Variants in NOD1 observed in about 807,000 individuals in gnomAD.
The protein encoded by NOD1 is nucleotide binding oligomerization domain containing 1.
In NOD1, 70 loss-of-function variants were observed where a neutral mutation model predicts 81.2. The observed-to-expected ratio is 0.86, with a 90% CI of 0.71 to 1.05. The LOEUF is 1.05. Among genes scored for constraint, NOD1 ranks in the 50% least tolerant of loss-of-function variants. NOD1 has a pLI of 0.00. For missense variants in NOD1, 1,233 were observed against 1,228.0 expected (o/e 1.00, Z -0.06); for synonymous variants, 508 against 526.9 (o/e 0.96, Z 0.49).
At chr7:30,472,600 G>C (rs1788386990) in intron 1 of NOD1, among the ~76,000 whole-genome samples, 1 of 152,228 alleles carries the variant, frequency 6.6e-6, no homozygotes, top group Non-Finnish European at 1.5e-5. Context: ...GAGAACCCCC[G>C]ATTTGATGGT....
chr7:30,458,360 C>G (rs545088427), intron 3 of NOD1, among the ~76,000 whole-genome samples: 5 of 151,800 alleles, frequency 3.3e-5, no homozygotes, highest in Non-Finnish European at 5.9e-5. Context: ...TCATGCATTT[C>G]AGAGAGAGAG....
In NOD1 at chr7:30,452,603, G is replaced by A. The variant is rs770591053; in HGVS notation, c.814C>T (p.Leu272=). 6.2e-7 allele frequency: 1 copy of A among 1,613,718 alleles called. No individual in the cohort carries two copies. The highest frequency in any genetic ancestry group is 8.5e-7 in the Non-Finnish European group (1 of 1,180,032). Residue 272 remains leucine, a synonymous_variant, in exon 6 of 14, where the codon CTG becomes TTG. Coordinates refer to ENST00000222823, the MANE Select transcript of NOD1 (RefSeq NM_006092.4). ...ERDPEEVFAF[L]LRFPHVALFT... The stretch of plus-strand genomic sequence containing the variant: ...AGGGCCACGTGGGGGAAGCGCAGCA[G>A]GAAGGCAAACACCTCCTCGGGGTCC...
At chr7:30,447,260 CACGTT>C in intron 7 of NOD1, 2 of 652,352 alleles carry the variant, frequency 3.1e-6, no homozygotes, top group Non-Finnish European at 5.4e-6. Context: ...TGAGACAAGT[CACGTT>C]ACCTCTCTGT....
intron 1 of NOD1, chr7:30,463,555 ACT>A (rs1787376244): frequency 6.6e-6 from 1 of 152,560 alleles, no homozygotes; most frequent in Admixed American, 6.5e-5. Flanking sequence ...AGCAACCAGG[ACT>A]CTGTCCCTGA....
In NOD1 at chr7:30,451,134, C is replaced by CTG. The variant is rs1372379555; in HGVS notation, c.2201+80_2201+81dup. 1.7e-5 allele frequency: 25 copies of CTG among 1,473,958 alleles called. No homozygotes were observed. Among genetic ancestry groups the CTG allele is most frequent in the Non-Finnish European group, 2.3e-5 (25 of 1,092,674 alleles). The allele number at this position is 1,473,958 out of a possible 1,614,324, so 91.3% of individuals were successfully genotyped here. Reference sequence around the variant, plus strand: ...CCATGGTCATGAGTCCTGGGGGATCCTGGTCCATGATGCCATTCCCGATGC... The same window carrying CTG: ...CCATGGTCATGAGTCCTGGGGGATCCTGTGGTCCATGATGCCATTCCCGATGC... On this transcript the variant is annotated intron_variant, in intron 6 of 13. Coordinates refer to ENST00000222823, the MANE Select transcript of NOD1 (RefSeq NM_006092.4). This position sits in a 1 kb window ranked among gnomAD's most constrained non-coding sequence, Gnocchi z 4.2.
chr7:30,454,199 A>C (rs1401294241), intron 5 of NOD1, among the ~76,000 whole-genome samples: 3 of 152,230 alleles, frequency 2.0e-5, no homozygotes, highest in Non-Finnish European at 2.9e-5. Flanking sequence ...TGTTTCCAAC[A>C]ACATATTGGA....
chr7:30,429,201 T>G lies in NOD1; in HGVS notation c.2789+173A>C, dbSNP rs566192591. Among the ~76,000 whole-genome samples, 4 of 152,378 alleles carry G rather than the reference T, an allele frequency of 2.6e-5. No homozygotes were observed. The South Asian group carries it at 8.3e-4, about 32-fold the overall frequency. On this transcript the variant is annotated intron_variant, in intron 13 of 13. Transcript: ENST00000222823. ...TCTCTCGTAGTGACCTTGGGCAACC[T>G]TATTTCACTGGTCTGGGCCTCTGTC...
rs199475904 is a variant in NOD1 at position 30,447,926 on chromosome 7, A to G, written c.2285+372T>C. The G allele has an allele frequency of 4.4e-4, 92 of 210,190 alleles. No individual in the cohort carries two copies. In the East Asian group the frequency reaches 9.9e-3, roughly 23 times the overall value. The allele number at this position is 210,190 out of a possible 1,614,324, so 13.0% of individuals were successfully genotyped here. A position where few individuals can be genotyped will look rare whatever the true frequency, so the allele number is the denominator to read the frequency against. On this transcript the variant is annotated intron_variant, in intron 7 of 13. Transcript: ENST00000222823. Reference sequence around the variant, plus strand: ...GCCATAGCATGCACTCAGAATCCCCATTCGGGTCTTGCCCCAAAGGCTCTG... The same window carrying G: ...GCCATAGCATGCACTCAGAATCCCCGTTCGGGTCTTGCCCCAAAGGCTCTG...
intron 9 of NOD1, among the ~76,000 whole-genome samples, chr7:30,445,260 A>AT (rs1474412628): frequency 7.4e-6 from 1 of 134,694 alleles, no homozygotes; most frequent in Non-Finnish European, 1.6e-5. Context: ...TTAGAGTATA[A>AT]TAAAAAAAAA....
chr7:30,425,321 T>C lies in NOD1; in HGVS notation c.*317A>G. The C allele has an allele frequency of 3.2e-6, 1 of 308,402 alleles. No individual in the cohort carries two copies. The allele number at this position is 308,402 out of a possible 1,614,324, so 19.1% of individuals were successfully genotyped here. ...GGAATGAGGTGAGGCTGGCCTCCTC[T>C]GTTTGCTCACAGCTTTATTCCTCTA... On this transcript the variant is annotated 3_prime_UTR_variant, in exon 14 of 14. Transcript: ENST00000222823.
rs374853853 is a variant in NOD1, at chr7:30,437,677, G to A, written c.2454-21C>T. 19 of 1,487,132 alleles carry A rather than the reference G, an allele frequency of 1.3e-5. No individual in the cohort carries two copies. In the African/African-American group the frequency reaches 1.5e-4, roughly 12 times the overall value. 92.1% of individuals were successfully genotyped at this position (1,487,132 alleles called of 1,614,324 possible). ...ACATCCTGAGGGAGGAGACAAGATA[G>A]TGAATGTTAGCTCCCCAAGAAACAG... On this transcript the variant is annotated intron_variant, in intron 9 of 13. Transcript: ENST00000222823.
At chr7:30,426,300 T>TA (rs1355868123) in intron 13 of NOD1, among the ~76,000 whole-genome samples, 1 of 151,988 alleles carries the variant, frequency 6.6e-6, no homozygotes, top group African/African-American at 2.4e-5. Flanking sequence ...TCCCCTGGCT[T>TA]AGTGAATGGA....
intron 9 of NOD1, among the ~76,000 whole-genome samples, chr7:30,445,278 TAAAA>T (rs55875433): frequency 0.017 from 1,160 of 69,174 alleles, 5 homozygotes; most frequent in Non-Finnish European, 0.021. Flanking sequence ...AAAAAGAATC[TAAAA>T]AAAAAAAAAA....
At chr7:30,477,418 T>C (rs1017030343) in intron 1 of NOD1, among the ~76,000 whole-genome samples, 6 of 152,218 alleles carry the variant, frequency 3.9e-5, no homozygotes, top group Non-Finnish European at 8.8e-5. Flanking sequence ...TACTCTTCCC[T>C]GAAAGTGATA....
rs371450601 is a variant in NOD1, at chr7:30,446,121, A to C, written c.2453+20T>G. ...ACACACAGCAGGTTGTACCACATACATCCATCCCCTTCTACTCACCCAACC... is the reference window on the plus strand; with the variant it reads ...ACACACAGCAGGTTGTACCACATACCTCCATCCCCTTCTACTCACCCAACC... On this transcript the variant is annotated intron_variant, in intron 9 of 13. Transcript: ENST00000222823. 2 of 1,592,178 alleles carry C rather than the reference A, an allele frequency of 1.3e-6. No individual in the cohort carries two copies. Among genetic ancestry groups the C allele is most frequent in the Non-Finnish European group, 1.7e-6 (2 of 1,160,286 alleles).
rs766896698 is a variant in NOD1 at position 30,451,323 on chromosome 7, G to A, written c.2094C>T (p.Val698=). ...CSADCSALSF[V]LHHFPKRLAL... ...CCAGCCGCTTGGGGAAGTGATGCAG[G>A]ACGAAGGAGAGGGCGCTGCAGTCGG... The change falls in exon 6 of 14, where the codon GTC becomes GTT. Residue 698 remains valine, a synonymous_variant. Coordinates refer to ENST00000222823, the MANE Select transcript of NOD1 (RefSeq NM_006092.4). This position sits in a 1 kb window ranked among gnomAD's most constrained non-coding sequence, Gnocchi z 4.2. 4.2e-5 allele frequency: 67 copies of A among 1,614,222 alleles called. No individual in the cohort carries two copies. Among genetic ancestry groups the A allele is most frequent in the Non-Finnish European group, 5.0e-5 (59 of 1,180,044 alleles).
intron 1 of NOD1, among the ~76,000 whole-genome samples, chr7:30,477,881 A>C (rs547916190): frequency 1.4e-5 from 2 of 144,200 alleles, no homozygotes; most frequent in South Asian, 4.4e-4. Flanking sequence ...TTACTAGCTT[A>C]GCTTCCCCAG....
chr7:30,460,128 G>A (rs1786871064), intron 1 of NOD1, 87 bp from the exon 2 acceptor site: 2 of 500,724 alleles, frequency 4.0e-6, no homozygotes, highest in Non-Finnish European at 5.2e-6. Context: ...ATTTAATCAG[G>A]TGTGCAGAGT....
At position 30,451,285 on chromosome 7, in the gene NOD1, T is replaced by C; in HGVS notation, c.2132A>G (p.Asp711Gly). 6.2e-7 allele frequency: 1 copy of C among 1,614,140 alleles called. No individual in the cohort carries two copies. Among genetic ancestry groups the C allele is most frequent in the South Asian group, 1.1e-5 (1 of 91,082 alleles). Residue 711 changes from aspartate to glycine, a missense_variant, in exon 6 of 14, where the codon GAC becomes GGC. Asp to Gly is a moderately conservative substitution (Grantham distance 94, BLOSUM62 -1). Transcript: ENST00000222823. The surrounding 1 kb of genome is among the most constrained non-coding windows in gnomAD (Gnocchi z 4.2). Reference protein sequence around the residue: ...HFPKRLALDLDNNNLNDYGVR... With the variant: ...HFPKRLALDLGNNNLNDYGVR... ...GCCGTAGTCGTTGAGATTGTTGTTG[T>C]CTAGGTCTAGGGCCAGCCGCTTGGG... is the stretch of plus-strand genomic sequence containing the variant.
Sources: gnomAD v4.1 joint callset for allele counts (sites outside exome capture counted in the v4.1 genomes callset) on GRCh38, gnomAD v4.1.1 for gene constraint, Gnocchi (gnomAD v3.1) non-coding constraint, MANE v1.5 for transcripts, NCBI Gene and HGNC (gene_info 2026-07-23, HGNC 2026-07-21) for gene names.